METTL15: variants seen among roughly 807,000 people sequenced by gnomAD.
The protein encoded by METTL15 is methyltransferase 15, mitochondrial 12S rRNA N4-cytidine.
In METTL15, 34 loss-of-function variants were observed where a neutral mutation model predicts 38.3. The ratio of observed to expected loss-of-function variants is 0.89; its 90% CI spans 0.68 to 1.18. The LOEUF (loss-of-function observed/expected upper bound fraction) is 1.18, where lower values mean the gene tolerates loss of function less well. Among genes scored for constraint, METTL15 ranks in the 50% most tolerant of loss-of-function variants. The pLI, the probability that METTL15 is intolerant of heterozygous loss-of-function variation, is 0.00. For missense variants in METTL15, 438 were observed against 498.4 expected, an observed-to-expected ratio of 0.88 and a Z score of 1.15; for synonymous variants, 162 against 170.9, an observed-to-expected ratio of 0.95 and a Z score of 0.41.
At chr11:28,298,786 T>C (rs1856821683) in intron 6 of METTL15, among the ~76,000 whole-genome samples, 1 of 152,102 alleles carries the variant, frequency 6.6e-6, no homozygotes, top group Non-Finnish European at 1.5e-5. Context: ...ATGTCTTAAA[T>C]ATCAGTCTAT....
chr11:28,181,617 A>G (rs1213054910), intron 3 of METTL15, among the ~76,000 whole-genome samples: 6 of 152,102 alleles, frequency 3.9e-5, no homozygotes, highest in Admixed American at 6.6e-5. Flanking sequence ...ATAGTATTCC[A>G]TGGTGTATAT....
intron 3 of METTL15, among the ~76,000 whole-genome samples, chr11:28,180,219 C>G (rs1001860081): frequency 2.0e-5 from 3 of 151,842 alleles, no homozygotes; most frequent in Non-Finnish European, 4.4e-5. Flanking sequence ...GAACCCTTGA[C>G]TCCTATGCAT....
intron 3 of METTL15, among the ~76,000 whole-genome samples, chr11:28,207,634 AG>A (rs1852412389): frequency 6.6e-6 from 1 of 152,172 alleles, no homozygotes; most frequent in Non-Finnish European, 1.5e-5. Context: ...AAAATGAGTT[AG>A]GGAGGATTCC....
chr11:28,328,932 T>C (rs1356006147), intron 6 of METTL15, among the ~76,000 whole-genome samples: 1 of 152,132 alleles, frequency 6.6e-6, no homozygotes, highest in Admixed American at 6.5e-5. Flanking sequence ...CTTGATGGTG[T>C]TGTTTGAATG....
intron 6 of METTL15, among the ~76,000 whole-genome samples, chr11:28,455,775 C>T (rs918767848): frequency 2.0e-5 from 3 of 152,086 alleles, no homozygotes; most frequent in Non-Finnish European, 4.4e-5. Context: ...GGTGCTATCT[C>T]GGCTCACTGC....
chr11:28,123,933 A>G, intron 3 of METTL15: 1 of 1,283,724 alleles, frequency 7.8e-7, no homozygotes. Context: ...GCGAGTATAC[A>G]CTGGGAAGAA....
intron 6 of METTL15, among the ~76,000 whole-genome samples, chr11:28,322,110 C>A (rs1849491780): frequency 6.6e-6 from 1 of 151,840 alleles, no homozygotes; most frequent in South Asian, 2.1e-4. Context: ...TTGATTATAT[C>A]TATAATCTTA....
intron 6 of METTL15, among the ~76,000 whole-genome samples, chr11:28,492,138 G>C (rs1225788831): frequency 6.6e-6 from 1 of 152,154 alleles, no homozygotes; most frequent in Non-Finnish European, 1.5e-5. Flanking sequence ...TTTGCTATCA[G>C]AGAAGCAATT....
intron 4 of METTL15, among the ~76,000 whole-genome samples, chr11:28,233,783 C>A (rs1176967999): frequency 6.6e-6 from 1 of 151,660 alleles, no homozygotes; most frequent in Non-Finnish European, 1.5e-5. Flanking sequence ...GTTTTGAATT[C>A]CTCTGACTCC....
intron 3 of METTL15, among the ~76,000 whole-genome samples, chr11:28,176,474 C>T (rs1175265280): frequency 1.3e-5 from 2 of 152,166 alleles, no homozygotes; most frequent in Non-Finnish European, 2.9e-5. Flanking sequence ...CTCTACTCCT[C>T]TGTGTACCAG....
At chr11:28,167,981 AT>A (rs528876313) in intron 3 of METTL15, among the ~76,000 whole-genome samples, 1 of 151,732 alleles carries the variant, frequency 6.6e-6, no homozygotes, top group African/African-American at 2.4e-5. Flanking sequence ...GCACCAGTCC[AT>A]TTTTTTTAGA....
chr11:28,262,389 A>G (rs932761809), intron 4 of METTL15, among the ~76,000 whole-genome samples: 1 of 150,954 alleles, frequency 6.6e-6, no homozygotes, highest in African/African-American at 2.4e-5. Context: ...GTATAACTGT[A>G]TAGTATATAT....
At chr11:28,203,836 A>G (rs186174074) in intron 3 of METTL15, among the ~76,000 whole-genome samples, 35 of 152,228 alleles carry the variant, frequency 2.3e-4, no homozygotes, top group African/African-American at 7.9e-4. Flanking sequence ...TGATTAGCAA[A>G]TAAAAACATG....
chr11:28,302,122 G>A (rs1325123849), intron 6 of METTL15, among the ~76,000 whole-genome samples: 2 of 151,814 alleles, frequency 1.3e-5, no homozygotes, highest in Non-Finnish European at 2.9e-5. Context: ...TATATTGACC[G>A]TGCTTGTCTC....
intron 6 of METTL15, among the ~76,000 whole-genome samples, chr11:28,306,927 G>A (rs1016015081): frequency 7.2e-5 from 11 of 151,792 alleles, no homozygotes; most frequent in African/African-American, 2.7e-4. Flanking sequence ...GAAAAATTAT[G>A]GAATATCTAG....
intron 4 of METTL15, among the ~76,000 whole-genome samples, chr11:28,357,984 G>A (rs150576478): frequency 1.1e-3 from 161 of 152,114 alleles, no homozygotes; most frequent in African/African-American, 3.8e-3. Flanking sequence ...ACATTATGTG[G>A]GAAAAGAGAC....
exon 8 of METTL15, chr11:28,526,829 A>T (rs1479756113): frequency 6.6e-6 from 1 of 152,216 alleles, no homozygotes; most frequent in African/African-American, 2.4e-5. Flanking sequence ...TATGCAATTT[A>T]ATTCTCTTTT....
intron 4 of METTL15, 124 bp from the exon 5 acceptor site, chr11:28,290,082 C>T (rs1386364755): frequency 1.1e-5 from 9 of 811,912 alleles, no homozygotes; most frequent in Non-Finnish European, 1.5e-5. Flanking sequence ...ACACTAAGCA[C>T]TCAATAAATA....
intron 3 of METTL15, among the ~76,000 whole-genome samples, chr11:28,348,238 T>C (rs1047824231): frequency 6.6e-6 from 1 of 152,258 alleles, no homozygotes; most frequent in Admixed American, 6.5e-5. Flanking sequence ...GTAGTGTCTG[T>C]TGAAGTTTCT....
Sources: gnomAD v4.1 joint callset for allele counts (sites outside exome capture counted in the v4.1 genomes callset) on GRCh38, gnomAD v4.1.1 for gene constraint, MANE v1.5 for transcripts, NCBI Gene and HGNC (gene_info 2026-07-23, HGNC 2026-07-21) for gene names.